Variants in MPDZ observed in about 807,000 individuals in gnomAD.
MPDZ encodes multiple PDZ domain protein.
Under a neutral mutation model 239.1 loss-of-function variants are expected in MPDZ, and 234 were observed. The observed-to-expected ratio is 0.98, with a 90% CI of 0.88 to 1.09. The LOEUF is 1.09. Among genes scored for constraint, MPDZ ranks in the 50% least tolerant of loss-of-function variants. The pLI is 0.00. For missense variants in MPDZ, 3,175 were observed against 2,510.0 expected (o/e 1.26, Z -5.66); for synonymous variants, 1,048 against 881.3 (o/e 1.19, Z -3.35).
In MPDZ at chr9:13,205,037, T is replaced by C; in HGVS notation, c.1545A>G (p.Glu515=). 1.4e-6 allele frequency: 2 copies of C among 1,452,518 alleles called. No individual in the cohort carries two copies. Among genetic ancestry groups the C allele is most frequent in the Non-Finnish European group, 1.8e-6 (2 of 1,104,228 alleles). 90.0% of individuals were successfully genotyped at this position (1,452,518 alleles called of 1,614,324 possible). A position where few individuals can be genotyped will look rare whatever the true frequency, so the allele number is the denominator to read the frequency against. ...AATAAGCTGGCGCTAGGTGTTTACC[T>C]TCTTCTTCAGTTGGTAATATGTTGG... ...RNTNILPTEE[E]GYPLLSAEIE... The change falls in exon 12 of 47, where the codon GAA becomes GAG. Residue 515 remains glutamate (E), a splice_region_variant and synonymous_variant. Coordinates refer to ENST00000319217, the MANE Select transcript of MPDZ (RefSeq NM_001378778.1).
At chr9:13,143,940 T>A (rs1948094734) in intron 26 of MPDZ, among the ~76,000 whole-genome samples, 1 of 152,102 alleles carries the variant, frequency 6.6e-6, no homozygotes. Context: ...CCACAAAATT[T>A]TTTATCTACA....
At chr9:13,275,684 G>C (rs928031408) in intron 1 of MPDZ, among the ~76,000 whole-genome samples, 2 of 152,172 alleles carry the variant, frequency 1.3e-5, no homozygotes, top group Non-Finnish European at 2.9e-5. Flanking sequence ...CTCTCAGAAG[G>C]AAATGTGACT....
chr9:13,247,547 T>C (rs1009325704), intron 3 of MPDZ, 88 bp downstream of exon 3: 10 of 1,417,606 alleles, frequency 7.1e-6, no homozygotes, highest in African/African-American at 1.4e-5. Context: ...CATTAACACA[T>C]AGAAAAATCA....
chr9:13,120,527 T>G (rs1944185850), intron 38 of MPDZ: 1 of 152,190 alleles, frequency 6.6e-6, no homozygotes, highest in Admixed American at 6.5e-5. Flanking sequence ...CATGTCATAT[T>G]TCATGAGAAC....
At chr9:13,242,194 C>T (rs1965568294) in intron 3 of MPDZ, among the ~76,000 whole-genome samples, 2 of 147,482 alleles carry the variant, frequency 1.4e-5, no homozygotes, top group South Asian at 4.3e-4. Context: ...AAAACCACTA[C>T]CTTAATTTTA....
chr9:13,217,333 TA>T lies in MPDZ; in HGVS notation c.1087-40del, dbSNP rs564713062. 1.0e-4 allele frequency: 135 copies of T among 1,313,908 alleles called. 1 individual carries two copies. The African/African-American group carries it at 1.1e-3, about 11-fold the overall frequency. 81.4% of individuals were successfully genotyped at this position (1,313,908 alleles called of 1,614,324 possible). On this transcript the variant is annotated intron_variant, in intron 8 of 46. Coordinates refer to ENST00000319217, the MANE Select transcript of MPDZ (RefSeq NM_001378778.1). ...AATAAATATACAGTGAAATAATACG[TA>T]AAAAAAACAAAAAACAAAAAACAAA...
Position 13,125,308 on chromosome 9 carries a change from G to A in MPDZ, c.4715C>T (p.Ser1572Leu). 1 of 1,613,888 alleles carries A rather than the reference G, an allele frequency of 6.2e-7. No individual in the cohort carries two copies. ...TTCTCCACTGGCTGCACCAGCTGCT[G>A]AAGGAACAGCCTGGGAATCTGGATT... ...AENPDSQAVP[S>L]AAGAASGEKK... Residue 1572 changes from serine to leucine, a missense_variant, in exon 35 of 47, where the codon TCA (serine) becomes TTA (leucine). Physicochemically the swap from Ser to Leu is moderately radical, Grantham distance 145 (BLOSUM62 -2). Coordinates refer to ENST00000319217, the MANE Select transcript of MPDZ (RefSeq NM_001378778.1).
chr9:13,166,619 T>C (rs1221139254), intron 22 of MPDZ, among the ~76,000 whole-genome samples: 1 of 152,030 alleles, frequency 6.6e-6, no homozygotes, highest in Non-Finnish European at 1.5e-5. Context: ...TTGTACGATT[T>C]TTCTTCTTTT....
At chr9:13,207,273 T>TC (rs1460543092) in intron 10 of MPDZ, among the ~76,000 whole-genome samples, 2 of 152,042 alleles carry the variant, frequency 1.3e-5, no homozygotes, top group Non-Finnish European at 2.9e-5. Context: ...TGATCATATC[T>TC]CCCCAACCCT....
At chr9:13,148,564 A>G (rs993983952) in intron 25 of MPDZ, among the ~76,000 whole-genome samples, 3 of 152,164 alleles carry the variant, frequency 2.0e-5, no homozygotes, top group Middle Eastern at 3.4e-3. Context: ...TACTTAGATG[A>G]CAATATTTTT....
At chr9:13,126,038 T>A (rs1300751543) in intron 34 of MPDZ, among the ~76,000 whole-genome samples, 1 of 152,064 alleles carries the variant, frequency 6.6e-6, no homozygotes, top group Non-Finnish European at 1.5e-5. Flanking sequence ...CACTAATAAA[T>A]AAAAGGCCTC....
chr9:13,187,284 T>C (rs1254474627), intron 17 of MPDZ, among the ~76,000 whole-genome samples: 1 of 152,122 alleles, frequency 6.6e-6, no homozygotes, highest in Non-Finnish European at 1.5e-5. Flanking sequence ...GAAATTTATT[T>C]TGGAACTATA....
chr9:13,186,407 T>G, intron 17 of MPDZ, 21 bp from the exon 18 acceptor site: 3 of 1,484,126 alleles, frequency 2.0e-6, no homozygotes, highest in Non-Finnish European at 2.8e-6. Context: ...AAAATGGTAT[T>G]CATGGAAAAG....
At chr9:13,191,982 C>G (rs2135051143) in intron 15 of MPDZ, 149 bp downstream of exon 15, 1 of 635,126 alleles carries the variant, frequency 1.6e-6, no homozygotes, top group South Asian at 6.0e-5. Flanking sequence ...TGATTCAAAC[C>G]CAGATTTGTC....
intron 1 of MPDZ, chr9:13,276,766 C>T (rs1974293651): frequency 6.6e-6 from 1 of 152,202 alleles, no homozygotes; most frequent in South Asian, 2.1e-4. Context: ...CAACCTGCAA[C>T]TCAACCTGAG....
At position 13,106,199 on chromosome 9, in the gene MPDZ, C is replaced by G. The variant is rs1373066984; in HGVS notation, c.*766G>C. 1.3e-5 allele frequency: 2 copies of G among 152,184 alleles called. No homozygotes were observed. The highest frequency in any genetic ancestry group is 3.9e-4 in the East Asian group (2 of 5,160). The allele number at this position is 152,184 out of a possible 1,614,324, so 9.4% of individuals were successfully genotyped here. ...GCAGCATAGTTGCTTTCTAGAAAAA[C>G]CATAGTCAACATGGGGTGGCATCAT... On this transcript the variant is annotated 3_prime_UTR_variant, in exon 47 of 47. Coordinates refer to ENST00000319217, the MANE Select transcript of MPDZ (RefSeq NM_001378778.1).
At chr9:13,146,347 A>G (rs1563901121) in intron 26 of MPDZ, among the ~76,000 whole-genome samples, 1 of 152,092 alleles carries the variant, frequency 6.6e-6, no homozygotes, top group African/African-American at 2.4e-5. Flanking sequence ...GCTCATCTAA[A>G]GAGCTGTTGG....
In MPDZ at chr9:13,222,136, A is replaced by T. The variant is rs957488027; in HGVS notation, c.747+97T>A. 7 of 881,910 alleles carry T rather than the reference A, an allele frequency of 7.9e-6. No homozygotes were observed. The African/African-American group carries it at 1.0e-4, about 13-fold the overall frequency. The allele number at this position is 881,910 out of a possible 1,614,324, so 54.6% of individuals were successfully genotyped here. On this transcript the variant is annotated intron_variant, in intron 6 of 46. Transcript: ENST00000319217. ...AAAAGAATAGTCAGACAAAAACTCAAGAAGTGCAAAGACCCTACACAAATT... is the reference window on the plus strand; with the variant it reads ...AAAAGAATAGTCAGACAAAAACTCATGAAGTGCAAAGACCCTACACAAATT...
chr9:13,162,853 G>A (rs967793381), intron 22 of MPDZ, 58 bp from the exon 23 acceptor site: 16 of 1,184,138 alleles, frequency 1.4e-5, no homozygotes, highest in Admixed American at 1.1e-4. Context: ...CTAATTGTTA[G>A]GAAAAGCTTC....
Sources: allele counts gnomAD v4.1 joint callset (sites outside exome capture counted in the v4.1 genomes callset), GRCh38; gene constraint gnomAD v4.1.1; transcripts MANE v1.5; gene names NCBI Gene and HGNC (gene_info 2026-07-23, HGNC 2026-07-21).